SPATA21: variants seen among roughly 807,000 people sequenced by gnomAD.
SPATA21 encodes spermatogenesis-associated protein 21.
In SPATA21, 47 loss-of-function variants were observed where a neutral mutation model predicts 54.8. That is an observed-to-expected ratio of 0.86 (90% CI 0.68 to 1.09). The LOEUF (loss-of-function observed/expected upper bound fraction) is 1.09, where lower values mean the gene tolerates loss of function less well. Ranked by LOEUF, SPATA21 falls within the 50% of genes least tolerant of loss-of-function variation. The probability of loss-of-function intolerance (pLI) is 0.00; values close to 1 mark genes in which losing one functional copy is unlikely to be tolerated. For missense variants in SPATA21, 599 were observed against 596.4 expected, an observed-to-expected ratio of 1.00 and a Z score of -0.05; for synonymous variants, 245 against 235.3, an observed-to-expected ratio of 1.04 and a Z score of -0.38.
rs116735702 is a variant in SPATA21 at position 16,412,357 on chromosome 1, G to A, written c.145-2314C>T. The stretch of plus-strand genomic sequence containing the variant: ...CTCTCATCTGCTGCTACCCAGGCTC[G>A]TGTCTCACTTCATGACACCACTGGT... On this transcript the variant is annotated intron_variant, in intron 5 of 12. Transcript: ENST00000335496. Among the ~76,000 whole-genome samples the A allele has an allele frequency of 7.8e-3, 1,194 of 152,228 alleles. 18 individuals are homozygous for A. Among genetic ancestry groups the A allele is most frequent in the African/African-American group, 0.027 (1,113 of 41,548 alleles).
At chr1:16,414,893 CAA>C (rs528947922) in intron 5 of SPATA21, among the ~76,000 whole-genome samples, 7 of 74,342 alleles carry the variant, frequency 9.4e-5, no homozygotes, top group Admixed American at 3.6e-4. Flanking sequence ...AACCTCATCT[CAA>C]AAAAAAAAAA....
intron 3 of SPATA21, among the ~76,000 whole-genome samples, chr1:16,430,941 C>T (rs2086442399): frequency 6.6e-6 from 1 of 152,110 alleles, no homozygotes; most frequent in Non-Finnish European, 1.5e-5. Context: ...CTGGAGTGGC[C>T]AGGGCAATCC....
chr1:16,414,056 G>C (rs934105095), intron 5 of SPATA21, among the ~76,000 whole-genome samples: 1 of 151,600 alleles, frequency 6.6e-6, no homozygotes, highest in African/African-American at 2.4e-5. Flanking sequence ...ATGAGTGTGA[G>C]CCTAGAGTTC....
At chr1:16,403,350 C>T (rs924548848) in intron 10 of SPATA21, among the ~76,000 whole-genome samples, 1 of 152,148 alleles carries the variant, frequency 6.6e-6, no homozygotes, top group Non-Finnish European at 1.5e-5. Flanking sequence ...TGCGCACAGA[C>T]ATGGATAGGT....
At chr1:16,436,889 A>T (rs932988386) in intron 1 of SPATA21, among the ~76,000 whole-genome samples, 3 of 151,876 alleles carry the variant, frequency 2.0e-5, no homozygotes, top group African/African-American at 7.2e-5. Flanking sequence ...AATAAATAAA[A>T]AGTTTTGAAA....
downstream of SPATA21, chr1:16,396,616 GCCAGACAGCCTCCCTGCTCCTGA>G (rs1274752497): frequency 1.3e-5 from 2 of 152,716 alleles, no homozygotes. Context: ...CCCTCAGCCA[GCCAGACAGCCTCCCTGCTCCTGA>G]CCAGCAGATA....
At chr1:16,402,602 G>T (rs2085490630) in intron 10 of SPATA21, among the ~76,000 whole-genome samples, 1 of 124,698 alleles carries the variant, frequency 8.0e-6, no homozygotes, top group Non-Finnish European at 1.8e-5. Context: ...TGTCACCAAG[G>T]CTGGAGTGCA....
Position 16,409,439 on chromosome 1 carries a change from GC to G in SPATA21, c.587+161del, listed in dbSNP as rs1438003966. ...AAAGGGGTCAGAAGTGGGAGAGGAG[GC>G]AGAGACATGGGAGATGCGGAGAGGA... On this transcript the variant is annotated intron_variant, in intron 6 of 12. Coordinates refer to ENST00000335496, the MANE Select transcript of SPATA21 (RefSeq NM_198546.1). This position sits in a 1 kb window ranked among gnomAD's most constrained non-coding sequence, Gnocchi z 4.1. 6.6e-6 allele frequency among the ~76,000 whole-genome samples: 1 copy of G among 152,206 alleles called. No homozygotes were observed. Among genetic ancestry groups the G allele is most frequent in the Non-Finnish European group, 1.5e-5 (1 of 68,038 alleles).
intron 5 of SPATA21, among the ~76,000 whole-genome samples, chr1:16,412,997 T>C (rs573252277): frequency 6.6e-6 from 1 of 152,006 alleles, no homozygotes; most frequent in African/African-American, 2.4e-5. Flanking sequence ...TTGGCCAGGA[T>C]GGCCTGGATC....
rs375953922 is a variant in SPATA21, at chr1:16,398,843, G to C, written c.1353-21C>G. ...GTTCCCTGGGGAGAGGAGTAGGGCA[G>C]AAGGGTGGGAGACATGTGGCCCTTT... On this transcript the variant is annotated intron_variant, in intron 12 of 12. Coordinates refer to ENST00000335496, the MANE Select transcript of SPATA21 (RefSeq NM_198546.1). 2.5e-6 allele frequency: 4 copies of C among 1,609,788 alleles called. No homozygotes were observed. The African/African-American group carries it at 5.3e-5, about 22-fold the overall frequency.
chr1:16,422,195 C>T, intron 3 of SPATA21: 1 of 1,431,998 alleles, frequency 7.0e-7, no homozygotes, highest in Non-Finnish European at 9.1e-7. Context: ...ATCCGGAGCC[C>T]TGTCAAGGAC....
chr1:16,414,873 A>G (rs1343596037), intron 5 of SPATA21, among the ~76,000 whole-genome samples: 1 of 127,328 alleles, frequency 7.9e-6, no homozygotes, highest in Non-Finnish European at 1.6e-5. Context: ...AGCCTGGGCA[A>G]CAAGAGCGAA....
At chr1:16,420,356 G>A (rs558149439) in intron 5 of SPATA21, among the ~76,000 whole-genome samples, 74 of 152,014 alleles carry the variant, frequency 4.9e-4, no homozygotes, top group African/African-American at 1.7e-3. Context: ...GCAAAGGGGA[G>A]CAAGGAAAGA....
At chr1:16,425,584 G>A in intron 3 of SPATA21, 3 of 1,550,024 alleles carry the variant, frequency 1.9e-6, no homozygotes, top group Non-Finnish European at 2.6e-6. Flanking sequence ...TCCCCTGCTG[G>A]CCCTTGATCT....
At chr1:16,436,137 A>G (rs1011483921) in intron 1 of SPATA21, among the ~76,000 whole-genome samples, 24 of 152,110 alleles carry the variant, frequency 1.6e-4, no homozygotes, top group African/African-American at 5.3e-4. Context: ...CTGTAATCCC[A>G]GCACTTTGGG....
chr1:16,400,960 T>C (rs1013895308), intron 10 of SPATA21, 68 bp from the exon 11 acceptor site: 4 of 1,539,542 alleles, frequency 2.6e-6, no homozygotes, highest in Admixed American at 1.9e-5. Context: ...CCTCAGCCCC[T>C]ATCTCTCTGG....
At chr1:16,424,816 C>A (rs148764030) in intron 3 of SPATA21, 27 of 161,212 alleles carry the variant, frequency 1.7e-4, no homozygotes, top group Non-Finnish European at 3.5e-4. Context: ...TTAAACTCAG[C>A]ATGTCCCAAT....
At chr1:16,429,295 G>A (rs1032435441) in intron 3 of SPATA21, among the ~76,000 whole-genome samples, 6 of 150,884 alleles carry the variant, frequency 4.0e-5, no homozygotes, top group Middle Eastern at 3.4e-3. Flanking sequence ...GAGCCACCGC[G>A]CCTGGCTTTG....
chr1:16,402,249 CTTTTTTTTTTTTTT>C lies in SPATA21; in HGVS notation c.1002-1371_1002-1358del, dbSNP rs869032281. ...CTTCTGGCAGTTCTGAGCTGCCATT[CTTTTTTTTTTTTTT>C]TTTTTTTTTTTTTTTGAGATGGAGT... On this transcript the variant is annotated intron_variant, in intron 10 of 12. Transcript: ENST00000335496. Among the ~76,000 whole-genome samples, 68 of 55,966 alleles carry C rather than the reference CTTTTTTTTTTTTTT, an allele frequency of 1.2e-3. 2 individuals are homozygous for C. The highest frequency in any genetic ancestry group is 8.0e-4 in the African/African-American group (10 of 12,434). The allele number at this position is 55,966 out of a possible 152,430, so 36.7% of individuals were successfully genotyped here.
Sources: gnomAD v4.1 joint callset for allele counts (sites outside exome capture counted in the v4.1 genomes callset) on GRCh38, gnomAD v4.1.1 for gene constraint, Gnocchi (gnomAD v3.1) non-coding constraint, MANE v1.5 for transcripts, NCBI Gene and HGNC (gene_info 2026-07-23, HGNC 2026-07-21) for gene names.